The following SNW1 variants were observed in gnomAD, a reference collection of about 807,000 sequenced individuals.
The protein encoded by SNW1 is SNW domain containing 1.
Under a neutral mutation model 75.6 loss-of-function variants are expected in SNW1, and 9 were observed. The ratio of observed to expected loss-of-function variants is 0.12; its 90% CI spans 0.07 to 0.21. The LOEUF (loss-of-function observed/expected upper bound fraction) is 0.21, where lower values mean the gene tolerates loss of function less well. Among genes scored for constraint, SNW1 ranks in the 10% least tolerant of loss-of-function variants. The pLI is 1.00. For synonymous variants in SNW1, 200 were observed against 219.1 expected, an observed-to-expected ratio of 0.91 and a Z score of 0.77; for missense variants, 409 against 670.9, an observed-to-expected ratio of 0.61 and a Z score of 4.31.
chr14:77,718,412 T>C lies in SNW1; in HGVS notation c.1367A>G (p.Lys456Arg). ...TTCTAGGTCATCACCATACATGTCC[T>C]TGTCCAGATTTTTACTGGGCCTATA... is the stretch of plus-strand genomic sequence containing the variant. Reference protein sequence around the residue: ...SIYRPSKNLDKDMYGDDLEAR... With the variant: ...SIYRPSKNLDRDMYGDDLEAR... Residue 456 changes from lysine to arginine, a missense_variant, in exon 13 of 14, where the codon AAG (lysine) becomes AGG (arginine). By Grantham distance (26) the Lys-to-Arg change is conservative (BLOSUM62 2). This residue lies in a region of SNW1 where 126 missense variants were observed against 167.6 expected (regional missense o/e 0.75). Transcript: ENST00000261531. The C allele has an allele frequency of 6.2e-7, 1 of 1,614,196 alleles. No individual in the cohort carries two copies. Among genetic ancestry groups the C allele is most frequent in the Non-Finnish European group, 8.5e-7 (1 of 1,180,026 alleles).
At chr14:77,748,542 G>A (rs566583122) in intron 3 of SNW1, among the ~76,000 whole-genome samples, 1 of 152,128 alleles carries the variant, frequency 6.6e-6, no homozygotes, top group South Asian at 2.1e-4. Context: ...ATATATACTT[G>A]TGATATATAC....
chr14:77,738,741 T>G (rs749239348), intron 5 of SNW1, 37 bp downstream of exon 5: 23 of 1,498,776 alleles, frequency 1.5e-5, no homozygotes, highest in Admixed American at 3.4e-5. Flanking sequence ...TGAATCAAGT[T>G]CAGAATGAAA....
intron 3 of SNW1, among the ~76,000 whole-genome samples, chr14:77,741,747 A>C (rs2080720794): frequency 6.6e-6 from 1 of 152,122 alleles, no homozygotes; most frequent in Non-Finnish European, 1.5e-5. Flanking sequence ...CACAAGAAAA[A>C]AATACCAATT....
intron 3 of SNW1, among the ~76,000 whole-genome samples, chr14:77,746,074 A>C (rs866116314): frequency 4.6e-5 from 7 of 152,246 alleles, no homozygotes; most frequent in Non-Finnish European, 1.0e-4. Context: ...GAAAACAAAC[A>C]GAATGGCTAA....
intron 1 of SNW1, among the ~76,000 whole-genome samples, chr14:77,759,764 C>A (rs1372980397): frequency 2.0e-5 from 3 of 152,032 alleles, no homozygotes; most frequent in Non-Finnish European, 4.4e-5. Context: ...TTGATGGAGG[C>A]CAAGAGTTGG....
intron 3 of SNW1, among the ~76,000 whole-genome samples, chr14:77,745,163 G>T (rs988702176): frequency 6.6e-6 from 1 of 152,130 alleles, no homozygotes; most frequent in Admixed American, 6.5e-5. Context: ...AAAAGGTGAA[G>T]ACTGCTATGA....
At chr14:77,729,300 C>G (rs1253148215) in intron 10 of SNW1, among the ~76,000 whole-genome samples, 1 of 152,212 alleles carries the variant, frequency 6.6e-6, no homozygotes, top group Non-Finnish European at 1.5e-5. Flanking sequence ...TCCTTCCCAA[C>G]TGCTTAGGAT....
chr14:77,718,592 TAAC>T (rs887875638), intron 12 of SNW1, 62 bp from the exon 13 acceptor site: 4 of 1,139,078 alleles, frequency 3.5e-6, no homozygotes, highest in Non-Finnish European at 5.1e-6. Context: ...AGCTGAATCA[TAAC>T]ATGTTTACAG....
At chr14:77,751,139 T>C (rs2080804182) in intron 3 of SNW1, among the ~76,000 whole-genome samples, 180 bp downstream of exon 3, 1 of 152,186 alleles carries the variant, frequency 6.6e-6, no homozygotes, top group Admixed American at 6.6e-5. Flanking sequence ...CCTCAAACTC[T>C]TGGGCTCAGT....
intron 8 of SNW1, among the ~76,000 whole-genome samples, chr14:77,733,742 C>CAAAAAAAAAA (rs35483765): frequency 6.2e-5 from 4 of 64,856 alleles, no homozygotes; most frequent in Non-Finnish European, 1.1e-4. Context: ...GAGACCGTCT[C>CAAAAAAAAAA]AAAAAAAAAA....
Position 77,725,077 on chromosome 14 carries a change from T to C in SNW1, c.1034-1800A>G, listed in dbSNP as rs192942854. Reference sequence around the variant, plus strand: ...CATAATATCTCACTGTGGTTTTGATTTGAATTTCCCTGATGATTAGTGATG... The same window carrying C: ...CATAATATCTCACTGTGGTTTTGATCTGAATTTCCCTGATGATTAGTGATG... On this transcript the variant is annotated intron_variant, in intron 10 of 13. Coordinates refer to ENST00000261531, the MANE Select transcript of SNW1 (RefSeq NM_012245.3). Among the ~76,000 whole-genome samples the C allele has an allele frequency of 1.1e-3, 160 of 152,350 alleles. 1 individual carries two copies. The highest frequency in any genetic ancestry group is 6.8e-3 in the Middle Eastern group (2 of 294).
intron 1 of SNW1, among the ~76,000 whole-genome samples, chr14:77,756,325 G>A (rs2080842486): frequency 6.6e-6 from 1 of 150,618 alleles, no homozygotes; most frequent in Non-Finnish European, 1.5e-5. Context: ...TGCCATGTTG[G>A]CCCATGTTGG....
At chr14:77,727,922 T>C (rs981685392) in intron 10 of SNW1, among the ~76,000 whole-genome samples, 1 of 152,150 alleles carries the variant, frequency 6.6e-6, no homozygotes, top group African/African-American at 2.4e-5. Flanking sequence ...TTTGGAAGCA[T>C]TCCCTTCTCT....
chr14:77,729,725 GTTAA>G (rs2080614109), intron 10 of SNW1, among the ~76,000 whole-genome samples: 1 of 152,174 alleles, frequency 6.6e-6, no homozygotes, highest in Non-Finnish European at 1.5e-5. Flanking sequence ...TGACTGGTAA[GTTAA>G]TTAGCTTGGC....
intron 3 of SNW1, among the ~76,000 whole-genome samples, chr14:77,744,144 A>T (rs1386208726): frequency 6.6e-6 from 1 of 151,452 alleles, no homozygotes; most frequent in Non-Finnish European, 1.5e-5. Context: ...TCAAAAAAAA[A>T]AAAAAAGAAA....
At chr14:77,742,699 G>A (rs1056255905) in intron 3 of SNW1, among the ~76,000 whole-genome samples, 1 of 151,874 alleles carries the variant, frequency 6.6e-6, no homozygotes, top group African/African-American at 2.4e-5. Context: ...GTAATACGTT[G>A]AAGGCATTCT....
intron 4 of SNW1, 21 bp from the exon 5 acceptor site, chr14:77,738,905 T>C (rs1373388588): frequency 5.0e-6 from 8 of 1,611,078 alleles, no homozygotes; most frequent in Non-Finnish European, 5.9e-6. Flanking sequence ...AAATATCACA[T>C]TGAGAGTTTG....
intron 3 of SNW1, among the ~76,000 whole-genome samples, chr14:77,742,032 C>T (rs2080723156): frequency 6.6e-6 from 1 of 151,228 alleles, no homozygotes; most frequent in Non-Finnish European, 1.5e-5. Flanking sequence ...TATAAAACCC[C>T]CCATTTTTTT....
At position 77,760,214 on chromosome 14, in the gene SNW1, T is replaced by C. The variant is rs573944946; in HGVS notation, c.14+900A>G. On this transcript the variant is annotated intron_variant, in intron 1 of 13. Coordinates refer to ENST00000261531, the MANE Select transcript of SNW1 (RefSeq NM_012245.3). ...CAACAGTAATTCCCAAAATAATTTTTTGATTAAAACTTTTGGAGTCATACT... is the reference window on the plus strand; with the variant it reads ...CAACAGTAATTCCCAAAATAATTTTCTGATTAAAACTTTTGGAGTCATACT... 1.1e-4 allele frequency among the ~76,000 whole-genome samples: 17 copies of C among 152,296 alleles called. No homozygotes were observed. The South Asian group carries it at 3.5e-3, about 32-fold the overall frequency.
Sources: allele counts gnomAD v4.1 joint callset (sites outside exome capture counted in the v4.1 genomes callset), GRCh38; gene constraint gnomAD v4.1.1; regional missense constraint gnomAD v4.1.1; transcripts MANE v1.5; gene names NCBI Gene and HGNC (gene_info 2026-07-23, HGNC 2026-07-21).